Variants in TMTC2 observed in about 807,000 individuals in gnomAD.
TMTC2 encodes the protein transmembrane O-mannosyltransferase targeting cadherins 2, also known as protein O-mannosyl-transferase TMTC2.
TMTC2 carries 43 observed loss-of-function variants against 82.4 expected under a neutral mutation model. The observed-to-expected ratio is 0.52, with a 90% CI of 0.41 to 0.67. TMTC2 has a LOEUF of 0.67. Among genes scored for constraint, TMTC2 ranks in the 30% least tolerant of loss-of-function variants. TMTC2 has a pLI of 0.00. For synonymous variants in TMTC2, 408 were observed against 381.9 expected (o/e 1.07, Z -0.80); for missense variants, 919 against 1,012.4 (o/e 0.91, Z 1.25).
chr12:83,109,041 G>T (rs950116952), intron 11 of TMTC2, among the ~76,000 whole-genome samples: 1 of 152,028 alleles, frequency 6.6e-6, no homozygotes, highest in Non-Finnish European at 1.5e-5. Context: ...TCATTCCCCA[G>T]AATCTAATGC....
chr12:82,872,985 C>T (rs1241008854), intron 2 of TMTC2, among the ~76,000 whole-genome samples: 1 of 152,054 alleles, frequency 6.6e-6, no homozygotes, highest in African/African-American at 2.4e-5. Flanking sequence ...TTTACAGTAA[C>T]TGGAATAAAT....
chr12:82,993,912 A>G (rs1879504802), intron 8 of TMTC2, among the ~76,000 whole-genome samples: 1 of 152,106 alleles, frequency 6.6e-6, no homozygotes, highest in Non-Finnish European at 1.5e-5. Flanking sequence ...GCAAAGAGGT[A>G]GGGGCTAGAT....
chr12:82,749,683 G>A (rs1230509813), intron 1 of TMTC2, among the ~76,000 whole-genome samples: 1 of 151,704 alleles, frequency 6.6e-6, no homozygotes, highest in Non-Finnish European at 1.5e-5. Context: ...TCAGGAACAA[G>A]GGTAAAGATT....
At chr12:82,730,131 G>A (rs1330911879) in intron 1 of TMTC2, among the ~76,000 whole-genome samples, 1 of 151,880 alleles carries the variant, frequency 6.6e-6, no homozygotes, top group Non-Finnish European at 1.5e-5. Flanking sequence ...AAGTCAGTGA[G>A]ACCAAGAACC....
chr12:82,780,949 G>A (rs1449534115), intron 1 of TMTC2, among the ~76,000 whole-genome samples: 4 of 151,966 alleles, frequency 2.6e-5, no homozygotes, highest in Admixed American at 2.0e-4. Context: ...ATTTTAGAAA[G>A]CAGGGCTGGA....
chr12:82,800,620 CT>C (rs1878945057), intron 1 of TMTC2, among the ~76,000 whole-genome samples: 1 of 152,098 alleles, frequency 6.6e-6, no homozygotes, highest in Admixed American at 6.5e-5. Flanking sequence ...ATTTAACATC[CT>C]CCCACCACCA....
At chr12:82,917,778 A>G (rs1372593809) in intron 3 of TMTC2, among the ~76,000 whole-genome samples, 1 of 151,662 alleles carries the variant, frequency 6.6e-6, no homozygotes, top group East Asian at 1.9e-4. Context: ...ATTTTTTTGT[A>G]TTTTTAGTAG....
In TMTC2 at chr12:83,087,238, T is replaced by TATA. The variant is rs60480692; in HGVS notation, c.2331+25413_2331+25415dup. ...ATCCATTCAAGTTTTTTCCTGGGCT[T>TATA]ATAATAATTCAATTACATCTTCAGG... On this transcript the variant is annotated intron_variant, in intron 11 of 11. Transcript: ENST00000321196. Among the ~76,000 whole-genome samples the TATA allele has an allele frequency of 1.8e-3, 273 of 152,328 alleles. 1 individual carries two copies. The highest frequency in any genetic ancestry group is 6.3e-3 in the African/African-American group (263 of 41,574).
intron 11 of TMTC2, among the ~76,000 whole-genome samples, chr12:83,113,600 A>G (rs143668117): frequency 6.6e-6 from 1 of 152,218 alleles, no homozygotes; most frequent in Non-Finnish European, 1.5e-5. Context: ...TTCAACAGGC[A>G]TAACACCTTG....
At chr12:82,729,590 G>A (rs763338919) in intron 1 of TMTC2, among the ~76,000 whole-genome samples, 5 of 152,052 alleles carry the variant, frequency 3.3e-5, no homozygotes, top group African/African-American at 9.7e-5. Context: ...TGTGTCTAGC[G>A]CAGGGATTGT....
intron 11 of TMTC2, among the ~76,000 whole-genome samples, chr12:83,124,764 G>A (rs1213830320): frequency 1.3e-5 from 2 of 152,014 alleles, no homozygotes; most frequent in Admixed American, 6.6e-5. Context: ...ACTGGCTGAA[G>A]AATTTGGATC....
chr12:82,723,322 G>C (rs1874296043), intron 1 of TMTC2, among the ~76,000 whole-genome samples: 1 of 152,160 alleles, frequency 6.6e-6, no homozygotes. Context: ...TTTTAATTTA[G>C]GAGCTCCAAC....
chr12:82,783,234 G>T (rs1877994761), intron 1 of TMTC2, among the ~76,000 whole-genome samples: 1 of 150,036 alleles, frequency 6.7e-6, no homozygotes, highest in Non-Finnish European at 1.5e-5. Flanking sequence ...TTGTGTAGGT[G>T]CTGGGTAGGT....
rs1246440669 is a variant in TMTC2, at chr12:83,055,758, C to T, written c.2267+4740C>T. Reference sequence around the variant, plus strand: ...TATGTGTGTGTGTTTAATCTACTTACAGGGTAAGGGATAAAAGTAGCATTT... The same window carrying T: ...TATGTGTGTGTGTTTAATCTACTTATAGGGTAAGGGATAAAAGTAGCATTT... On this transcript the variant is annotated intron_variant, in intron 10 of 11. Transcript: ENST00000321196. Among the ~76,000 whole-genome samples the T allele has an allele frequency of 2.0e-5, 3 of 150,946 alleles. No individual in the cohort carries two copies. In the East Asian group the frequency reaches 5.8e-4, roughly 29 times the overall value.
intron 3 of TMTC2, among the ~76,000 whole-genome samples, chr12:82,914,242 T>C (rs1247892163): frequency 6.6e-6 from 1 of 152,244 alleles, no homozygotes; most frequent in Non-Finnish European, 1.5e-5. Context: ...TTACAAATAA[T>C]TGTCCTCATT....
intron 3 of TMTC2, among the ~76,000 whole-genome samples, chr12:82,908,670 C>T (rs1277850313): frequency 6.6e-6 from 1 of 152,074 alleles, no homozygotes; most frequent in Non-Finnish European, 1.5e-5. Context: ...CTTATAGAAT[C>T]AGGTTAGGAG....
At chr12:82,849,369 A>G (rs1394099744) in intron 1 of TMTC2, among the ~76,000 whole-genome samples, 1 of 152,128 alleles carries the variant, frequency 6.6e-6, no homozygotes, top group African/African-American at 2.4e-5. Flanking sequence ...TAAGCAATGC[A>G]GTCAGAAAAT....
intron 1 of TMTC2, among the ~76,000 whole-genome samples, chr12:82,719,426 A>G (rs1874086629): frequency 6.6e-6 from 1 of 152,112 alleles, no homozygotes; most frequent in Non-Finnish European, 1.5e-5. Flanking sequence ...CTGAATCATT[A>G]AGCACAGTTA....
chr12:82,897,537 C>CT (rs1565798952), intron 3 of TMTC2, among the ~76,000 whole-genome samples: 1 of 151,934 alleles, frequency 6.6e-6, no homozygotes, highest in East Asian at 1.9e-4. Flanking sequence ...CATTTTTATT[C>CT]TTTTTTGAGA....
Sources: allele counts gnomAD v4.1 joint callset (sites outside exome capture counted in the v4.1 genomes callset), GRCh38; gene constraint gnomAD v4.1.1; transcripts MANE v1.5; gene names NCBI Gene and HGNC (gene_info 2026-07-23, HGNC 2026-07-21).